The following NCOA2 variants were observed in gnomAD, a reference collection of about 807,000 sequenced individuals.
NCOA2 encodes the protein class E basic helix-loop-helix protein 75.
NCOA2 carries 21 observed loss-of-function variants against 145.1 expected under a neutral mutation model. The observed-to-expected ratio is 0.14, with a 90% CI of 0.10 to 0.21. The LOEUF is 0.21. Ranked by LOEUF, NCOA2 falls within the 10% of genes least tolerant of loss-of-function variation. The probability of loss-of-function intolerance (pLI) is 1.00; values close to 1 mark genes in which losing one functional copy is unlikely to be tolerated. For missense variants in NCOA2, 1,472 were observed against 1,837.6 expected (o/e 0.80, Z 3.64); for synonymous variants, 619 against 637.5 (o/e 0.97, Z 0.44).
At chr8:70,146,712 T>C (rs1232150674) in intron 12 of NCOA2, among the ~76,000 whole-genome samples, 2 of 152,086 alleles carry the variant, frequency 1.3e-5, no homozygotes, top group African/African-American at 2.4e-5. Context: ...TTTTTTTTTT[T>C]GAGACTGAGT....
intron 2 of NCOA2, among the ~76,000 whole-genome samples, chr8:70,232,460 C>A (rs1821222372): frequency 6.6e-6 from 1 of 152,192 alleles, no homozygotes; most frequent in East Asian, 1.9e-4. Context: ...TTGACCTCAA[C>A]AATTATTTCC....
the NCOA2 span, among the ~76,000 whole-genome samples, chr8:70,414,784 C>T: frequency 1.3e-5 from 2 of 152,086 alleles, no homozygotes; most frequent in Non-Finnish European, 2.9e-5. Flanking sequence ...TTGTGCTTTC[C>T]ATCTAAGACT....
intron 1 of NCOA2, among the ~76,000 whole-genome samples, chr8:70,316,303 T>A (rs1805581440): frequency 6.6e-6 from 1 of 152,254 alleles, no homozygotes; most frequent in African/African-American, 2.4e-5. Flanking sequence ...ACTTGTTCAA[T>A]GAGCTGTTTT....
chr8:70,398,088 T>A (rs1483465446), intron 1 of NCOA2, among the ~76,000 whole-genome samples: 1 of 152,140 alleles, frequency 6.6e-6, no homozygotes, highest in Non-Finnish European at 1.5e-5. Flanking sequence ...GACACAGTAC[T>A]CATCAAACGA....
chr8:70,311,776 A>G lies in NCOA2; in HGVS notation c.-76-14976T>C, dbSNP rs970568748. On this transcript the variant is annotated intron_variant, in intron 1 of 22. Transcript: ENST00000452400. The stretch of plus-strand genomic sequence containing the variant: ...TCTAGTCCTCAGTTTCCTCAGTGAC[A>G]AAAGGAGAGAGTGGCACAATTGTCC... Among the ~76,000 whole-genome samples, 4 of 152,186 alleles carry G rather than the reference A, an allele frequency of 2.6e-5. No homozygotes were observed. In the East Asian group the frequency reaches 7.7e-4, roughly 29 times the overall value.
chr8:70,229,823 T>A (rs1820979810), intron 2 of NCOA2, among the ~76,000 whole-genome samples: 1 of 152,328 alleles, frequency 6.6e-6, no homozygotes, highest in Non-Finnish European at 1.5e-5. Context: ...GCCTTCCCCA[T>A]GATTCTGATG....
chr8:70,334,031 G>C (rs939090598), intron 1 of NCOA2, among the ~76,000 whole-genome samples: 2 of 152,036 alleles, frequency 1.3e-5, no homozygotes, highest in East Asian at 3.8e-4. Context: ...GAACTACCCA[G>C]TCTTTCTCAT....
At chr8:70,190,013 CAAAAT>C (rs1450870445) in intron 4 of NCOA2, among the ~76,000 whole-genome samples, 1 of 152,104 alleles carries the variant, frequency 6.6e-6, no homozygotes, top group Non-Finnish European at 1.5e-5. Flanking sequence ...TTACTTAACT[CAAAAT>C]AAACTTCCAT....
At chr8:70,223,124 A>G (rs958525414) in intron 2 of NCOA2, among the ~76,000 whole-genome samples, 2 of 152,176 alleles carry the variant, frequency 1.3e-5, no homozygotes, top group Non-Finnish European at 2.9e-5. Context: ...GAGTGTACTC[A>G]GTGTCTTTTT....
chr8:70,242,116 C>G (rs1051452249), intron 2 of NCOA2, among the ~76,000 whole-genome samples: 8 of 152,072 alleles, frequency 5.3e-5, no homozygotes, highest in African/African-American at 1.9e-4. Flanking sequence ...AAACAGGTAA[C>G]TTAAACATAA....
intron 2 of NCOA2, chr8:70,273,238 T>C: frequency 5.2e-6 from 1 of 191,196 alleles, no homozygotes; most frequent in Non-Finnish European, 1.1e-5. Context: ...ACTTGCAACA[T>C]GATGCCAAAA....
At chr8:70,145,884 G>T (rs1811006878) in intron 12 of NCOA2, among the ~76,000 whole-genome samples, 2 of 152,064 alleles carry the variant, frequency 1.3e-5, no homozygotes, top group Admixed American at 1.3e-4. Context: ...TCCTGCCTTG[G>T]CCCCCCAAAG....
rs539152436 is a variant in NCOA2, at chr8:70,233,256, A to G, written c.-19-16492T>C. ...AAAAAGATAATACGTGTCATATACC[A>G]TATTTCATTATAACCCCAGAAGGGT... is the stretch of plus-strand genomic sequence containing the variant. On this transcript the variant is annotated intron_variant, in intron 2 of 22. Coordinates refer to ENST00000452400, the MANE Select transcript of NCOA2 (RefSeq NM_006540.4). Among the ~76,000 whole-genome samples the G allele has an allele frequency of 3.9e-5, 6 of 152,220 alleles. No individual in the cohort carries two copies. The East Asian group carries it at 1.2e-3, about 29-fold the overall frequency.
intron 1 of NCOA2, among the ~76,000 whole-genome samples, chr8:70,328,065 A>G (rs1586503989): frequency 6.6e-6 from 1 of 152,248 alleles, no homozygotes; most frequent in East Asian, 1.9e-4. Flanking sequence ...TGGTATGGCA[A>G]GTTACACAAC....
intron 1 of NCOA2, among the ~76,000 whole-genome samples, chr8:70,347,713 G>C (rs767872644): frequency 6.6e-6 from 1 of 151,998 alleles, no homozygotes; most frequent in East Asian, 1.9e-4. Context: ...ACCTAGCCCC[G>C]CTACAGCACA....
the NCOA2 span, among the ~76,000 whole-genome samples, chr8:70,432,594 T>G: frequency 6.6e-6 from 1 of 152,098 alleles, no homozygotes. Flanking sequence ...ACCCAGGAGA[T>G]GGAGGCTTCA....
At chr8:70,171,987 G>T (rs1814308605) in intron 5 of NCOA2, among the ~76,000 whole-genome samples, 1 of 152,008 alleles carries the variant, frequency 6.6e-6, no homozygotes. Context: ...TTACAAACTT[G>T]ACTAATTTTT....
intron 2 of NCOA2, among the ~76,000 whole-genome samples, chr8:70,294,432 T>C (rs1472982226): frequency 2.0e-5 from 3 of 152,164 alleles, no homozygotes; most frequent in Non-Finnish European, 4.4e-5. Context: ...GGAATTAGAA[T>C]AGCTGTCCCC....
intron 2 of NCOA2, among the ~76,000 whole-genome samples, chr8:70,242,418 C>T (rs1288186694): frequency 1.3e-5 from 2 of 152,026 alleles, no homozygotes; most frequent in Non-Finnish European, 2.9e-5. Context: ...AAGCCATAAC[C>T]CTGCATGTTA....
Sources: allele counts gnomAD v4.1 joint callset (sites outside exome capture counted in the v4.1 genomes callset), GRCh38; gene constraint gnomAD v4.1.1; transcripts MANE v1.5; gene names NCBI Gene and HGNC (gene_info 2026-07-23, HGNC 2026-07-21).